Variants in INO80D observed in about 807,000 individuals in gnomAD.
The protein encoded by INO80D is INO80 complex subunit D.
Under a neutral mutation model 87.6 loss-of-function variants are expected in INO80D, and 21 were observed. That is an observed-to-expected ratio of 0.24 (90% CI 0.17 to 0.35). INO80D has a LOEUF of 0.35. Among genes scored for constraint, INO80D ranks in the 10% least tolerant of loss-of-function variants. The pLI is 1.00. For missense variants in INO80D, 982 were observed against 1,280.7 expected, an observed-to-expected ratio of 0.77 and a Z score of 3.56; for synonymous variants, 440 against 491.0, an observed-to-expected ratio of 0.90 and a Z score of 1.37.
At chr2:206,020,698 T>TA (rs554971846) in intron 6 of INO80D, among the ~76,000 whole-genome samples, 1 of 152,114 alleles carries the variant, frequency 6.6e-6, no homozygotes, top group African/African-American at 2.4e-5. Flanking sequence ...CATGGATCCA[T>TA]AAAAAAATGA....
chr2:206,014,730 G>A (rs1170635012), intron 8 of INO80D, among the ~76,000 whole-genome samples: 9 of 151,994 alleles, frequency 5.9e-5, no homozygotes, highest in Non-Finnish European at 8.8e-5. Context: ...GTGGGGTGCT[G>A]CTGAAAAGAT....
At chr2:206,084,078 T>C (rs1690360370) in intron 1 of INO80D, among the ~76,000 whole-genome samples, 1 of 151,650 alleles carries the variant, frequency 6.6e-6, no homozygotes, top group Admixed American at 6.6e-5. Context: ...TTATCACTTT[T>C]TTTTTTTTTA....
intron 6 of INO80D, among the ~76,000 whole-genome samples, chr2:206,024,796 C>T (rs1688559254): frequency 6.6e-6 from 1 of 151,966 alleles, no homozygotes; most frequent in Non-Finnish European, 1.5e-5. Flanking sequence ...CACTCTGTCG[C>T]CTAGCCTGGA....
At chr2:206,038,400 G>C (rs1688946404) in intron 5 of INO80D, among the ~76,000 whole-genome samples, 1 of 152,174 alleles carries the variant, frequency 6.6e-6, no homozygotes, top group Non-Finnish European at 1.5e-5. Context: ...TGGTAGTTTA[G>C]ATACTCTAAC....
intron 8 of INO80D, among the ~76,000 whole-genome samples, chr2:206,014,143 G>A (rs1286614201): frequency 2.4e-5 from 3 of 122,548 alleles, no homozygotes; most frequent in Non-Finnish European, 4.9e-5. Flanking sequence ...GGGTGACAGA[G>A]TAAAACTCCA....
chr2:206,007,114 C>T (rs942019513), intron 10 of INO80D, among the ~76,000 whole-genome samples, 170 bp downstream of exon 10: 4 of 152,190 alleles, frequency 2.6e-5, no homozygotes, highest in Admixed American at 2.6e-4. Flanking sequence ...ACTGCACATT[C>T]CTTATCTTCT....
At chr2:206,045,153 T>C (rs1250060157) in intron 5 of INO80D, among the ~76,000 whole-genome samples, 4 of 152,214 alleles carry the variant, frequency 2.6e-5, no homozygotes, top group African/African-American at 9.6e-5. Flanking sequence ...CTAACCCTAC[T>C]TGCTCTAATT....
In INO80D at chr2:206,055,325, G is replaced by T. The variant is rs10187043; in HGVS notation, c.964+873C>A. Among the ~76,000 whole-genome samples, 11 of 152,294 alleles carry T rather than the reference G, an allele frequency of 7.2e-5. No homozygotes were observed. The Middle Eastern group carries it at 0.017, about 237-fold the overall frequency. On this transcript the variant is annotated intron_variant, in intron 4 of 10. Transcript: ENST00000403263. ...TCTGTATAAACTTGGAATCGAGGAA[G>T]TTTTCTTAAGCAAAACAGGAAATTC...
chr2:206,057,318 TA>T (rs1350825945), intron 3 of INO80D, among the ~76,000 whole-genome samples: 2 of 152,158 alleles, frequency 1.3e-5, no homozygotes, highest in East Asian at 3.8e-4. Context: ...AGAAAAAATA[TA>T]TATATTTTCT....
chr2:206,030,180 A>G (rs1688723068), intron 5 of INO80D, among the ~76,000 whole-genome samples: 1 of 152,230 alleles, frequency 6.6e-6, no homozygotes, highest in African/African-American at 2.4e-5. Flanking sequence ...CACTGGAAAG[A>G]CAGCTGGAAG....
At position 205,995,223 on chromosome 2, in the gene INO80D, G is replaced by C. The variant is rs894707302; in HGVS notation, c.*9145C>G. 6.6e-6 allele frequency: 1 copy of C among 152,176 alleles called. No homozygotes were observed. Among genetic ancestry groups the C allele is most frequent in the South Asian group, 2.1e-4 (1 of 4,822 alleles). The allele number at this position is 152,176 out of a possible 1,614,324, so 9.4% of individuals were successfully genotyped here. The stretch of plus-strand genomic sequence containing the variant: ...CTGTGGAACATCTCCACTTCAGAGA[G>C]AGGAAAAATGCACAAAGCTCCTCAA... On this transcript the variant is annotated 3_prime_UTR_variant, in exon 11 of 11. Transcript: ENST00000403263.
At chr2:206,009,836 G>C in intron 8 of INO80D, 42 bp from the exon 9 acceptor site, 1 of 1,498,146 alleles carries the variant, frequency 6.7e-7, no homozygotes, top group Admixed American at 2.1e-5. Flanking sequence ...AGATTATCTG[G>C]GATAAACCTG....
chr2:206,084,472 G>C (rs2105918194), intron 1 of INO80D: 1 of 152,246 alleles, frequency 6.6e-6, no homozygotes, highest in South Asian at 2.1e-4. Flanking sequence ...CCTTGTTTCG[G>C]GAGCTGCCCT....
chr2:206,007,522 G>T, intron 9 of INO80D, 81 bp from the exon 10 acceptor site: 2 of 1,475,006 alleles, frequency 1.4e-6, no homozygotes, highest in Non-Finnish European at 1.8e-6. Flanking sequence ...CATTCAACAT[G>T]AAAAGAAGCT....
chr2:206,045,714 C>T lies in INO80D; in HGVS notation c.1073+790G>A, dbSNP rs554148726. On this transcript the variant is annotated intron_variant, in intron 5 of 10. Transcript: ENST00000403263. ...AAGAAAACCCCTCAGGAGATCTAGC[C>T]TAAAAAAAAAAAAAATTGTAGCACA... is the stretch of plus-strand genomic sequence containing the variant. 9.6e-4 allele frequency among the ~76,000 whole-genome samples: 143 copies of T among 149,066 alleles called. 1 individual carries two copies. Among genetic ancestry groups the T allele is most frequent in the Admixed American group, 1.5e-3 (22 of 15,016 alleles).
intron 6 of INO80D, among the ~76,000 whole-genome samples, chr2:206,022,491 T>TA (rs1688491368): frequency 6.6e-6 from 1 of 152,166 alleles, no homozygotes; most frequent in Non-Finnish European, 1.5e-5. Flanking sequence ...TTTTCATATT[T>TA]AAAAAATCTA....
rs897287380 is a variant in INO80D at position 206,005,173 on chromosome 2, G to T, written c.2279C>A (p.Ala760Asp). 6.2e-7 allele frequency: 1 copy of T among 1,613,878 alleles called. No homozygotes were observed. The highest frequency in any genetic ancestry group is 1.3e-5 in the African/African-American group (1 of 74,932). Reference sequence around the variant, plus strand: ...AGTGGCAGAAGTAAGGCCAACGTTGGCTGGGGCAGAGAACTGCCCCTGGAT... The same window carrying T: ...AGTGGCAGAAGTAAGGCCAACGTTGTCTGGGGCAGAGAACTGCCCCTGGAT... ...GQIQGQFSAP[A>D]NVGLTSATLI... The change falls in exon 11 of 11, where the codon GCC becomes GAC. Residue 760 changes from alanine (A) to aspartate (D), a missense_variant. Coordinates refer to ENST00000403263, the MANE Select transcript of INO80D (RefSeq NM_017759.5).
At chr2:206,059,329 C>T (rs553490690) in intron 3 of INO80D, among the ~76,000 whole-genome samples, 6 of 151,958 alleles carry the variant, frequency 3.9e-5, no homozygotes, top group Admixed American at 6.6e-5. Context: ...TGCAGTGAGC[C>T]GAGACTGTGC....
At chr2:206,039,514 CA>C (rs547727864) in intron 5 of INO80D, among the ~76,000 whole-genome samples, 25 of 152,020 alleles carry the variant, frequency 1.6e-4, no homozygotes, top group Admixed American at 3.3e-4. Flanking sequence ...TAAACTCTTA[CA>C]AATAAAAAAT....
Sources: gnomAD v4.1 joint callset for allele counts (sites outside exome capture counted in the v4.1 genomes callset) on GRCh38, gnomAD v4.1.1 for gene constraint, MANE v1.5 for transcripts, NCBI Gene and HGNC (gene_info 2026-07-23, HGNC 2026-07-21) for gene names.